Variants in SIGLEC1 observed in about 807,000 individuals in gnomAD.
SIGLEC1 encodes sialic acid binding Ig like lectin 1.
In SIGLEC1, 132 loss-of-function variants were observed where a neutral mutation model predicts 148.0. The observed-to-expected ratio is 0.89, with a 90% CI of 0.77 to 1.03. The LOEUF (loss-of-function observed/expected upper bound fraction) is 1.03, where lower values mean the gene tolerates loss of function less well. Ranked by LOEUF, SIGLEC1 falls within the 50% of genes least tolerant of loss-of-function variation. The pLI, the probability that SIGLEC1 is intolerant of heterozygous loss-of-function variation, is 0.00. For missense variants in SIGLEC1, 2,253 were observed against 2,271.4 expected, an observed-to-expected ratio of 0.99 and a Z score of 0.16; for synonymous variants, 945 against 969.0, an observed-to-expected ratio of 0.98 and a Z score of 0.46.
chr20:3,703,861 A>T lies in SIGLEC1; in HGVS notation c.937T>A (p.Ser313Thr). The T allele has an allele frequency of 6.2e-7, 1 of 1,614,090 alleles. No individual in the cohort carries two copies. The highest frequency in any genetic ancestry group is 8.5e-7 in the Non-Finnish European group (1 of 1,180,028). ...AGGCTGATGGGGGGTGAGACCAAAGAGCCCACGCCGTTCTCAGCTTGGCAG... is the reference window on the plus strand; with the variant it reads ...AGGCTGATGGGGGGTGAGACCAAAGTGCCCACGCCGTTCTCAGCTTGGCAG... ...YTCQAENGVG[S>T]LVSPPISLHI... is the part of the protein sequence containing the mutation. Residue 313 changes from serine (S) to threonine (T), a missense_variant, in exon 5 of 22, where the codon TCT (serine) becomes ACT (threonine). By Grantham distance (58) the Ser-to-Thr change is moderately conservative. Transcript: ENST00000344754.
In SIGLEC1 at chr20:3,697,155, G is replaced by C; in HGVS notation, c.2310C>G (p.Ala770=). 6.2e-7 allele frequency: 1 copy of C among 1,613,766 alleles called. No individual in the cohort carries two copies. The highest frequency in any genetic ancestry group is 8.5e-7 in the Non-Finnish European group (1 of 1,180,032). ...CAGTCAGGATGCGGCAGGCGTAAAG[G>C]GCAGCATCAGTTCTGGCCACGGGCA... is the stretch of plus-strand genomic sequence containing the variant. The part of the protein sequence containing the change: ...TLLPVARTDA[A]LYACRILTEA... The change falls in exon 10 of 22, where the codon GCC becomes GCG. Residue 770 remains alanine (A), a synonymous_variant. Coordinates refer to ENST00000344754, the MANE Select transcript of SIGLEC1 (RefSeq NM_023068.4).
chr20:3,689,835 A>G, intron 19 of SIGLEC1, 127 bp downstream of exon 19: 17 of 1,168,136 alleles, frequency 1.5e-5, no homozygotes, highest in Non-Finnish European at 2.1e-5. Flanking sequence ...GGGTGCCCCG[A>G]GCAATCAGTT....
In SIGLEC1 at chr20:3,710,774, C is replaced by T. The variant is rs1189583548; in HGVS notation, c.-110+1696G>A. On this transcript the variant is annotated intron_variant, in intron 1 of 21. Coordinates refer to ENST00000344754, the MANE Select transcript of SIGLEC1 (RefSeq NM_023068.4). This position sits in a 1 kb window ranked among gnomAD's most constrained non-coding sequence, Gnocchi z 4.6. ...TGGACACAGCGACCCTGGAACAGGG[C>T]GCGGGGGAGGACCCTTTCCAGGACC... is the stretch of plus-strand genomic sequence containing the variant. Among the ~76,000 whole-genome samples the T allele has an allele frequency of 1.3e-5, 2 of 152,218 alleles. No homozygotes were observed. Among genetic ancestry groups the T allele is most frequent in the Non-Finnish European group, 2.9e-5 (2 of 68,038 alleles).
intron 1 of SIGLEC1, among the ~76,000 whole-genome samples, chr20:3,711,510 G>C (rs1416643437): frequency 6.6e-6 from 1 of 152,032 alleles, no homozygotes; most frequent in East Asian, 1.9e-4. Flanking sequence ...TCTGTTTCCT[G>C]ACACCAAGGC....
Position 3,689,197 on chromosome 20 carries a change from G to C in SIGLEC1, c.5028C>G (p.Gly1676=). The C allele has an allele frequency of 6.2e-7, 1 of 1,614,072 alleles. No individual in the cohort carries two copies. Among genetic ancestry groups the C allele is most frequent in the Non-Finnish European group, 8.5e-7 (1 of 1,179,992 alleles). The change falls in exon 21 of 22, where the codon GGC becomes GGG. Residue 1676 remains glycine (G), a synonymous_variant. Coordinates refer to ENST00000344754, the MANE Select transcript of SIGLEC1 (RefSeq NM_023068.4). ...RRRRVCKQSM[G]ENSVEMAFQK... is the part of the protein sequence containing the mutation. ...GAAAAGCCATCTCCACCGAATTCTCGCCCATGCTCTGCTTACAAACACGCC... is the reference window on the plus strand; with the variant it reads ...GAAAAGCCATCTCCACCGAATTCTCCCCCATGCTCTGCTTACAAACACGCC...
At chr20:3,704,242 T>G in intron 4 of SIGLEC1, 151 bp from the exon 5 acceptor site, 1 of 719,562 alleles carries the variant, frequency 1.4e-6, no homozygotes, top group Non-Finnish European at 2.3e-6. Flanking sequence ...GGGCATGCTC[T>G]GTCTGCCCAT....
chr20:3,693,361 G>T, intron 14 of SIGLEC1, 86 bp downstream of exon 14: 1 of 1,441,014 alleles, frequency 6.9e-7, no homozygotes, highest in Admixed American at 2.3e-5. Context: ...TTCCCCACTG[G>T]ACACCTGTCG....
rs202077409 is a variant in SIGLEC1, at chr20:3,704,044, T to A, written c.754A>T (p.Ile252Phe). Residue 252 changes from isoleucine (I) to phenylalanine (F), a missense_variant, in exon 5 of 22, where the codon ATC becomes TTC. Physicochemically the swap from Ile to Phe is conservative, Grantham distance 21. Coordinates refer to ENST00000344754, the MANE Select transcript of SIGLEC1 (RefSeq NM_023068.4). ...AGTGTGACCAGCTCACCTGGAAGGA[T>A]GTTCCTCCCCGAGGGGCTGAGGAGG... Reference protein sequence around the residue: ...KILLSPSGRNILPGELVTLTC... With the variant: ...KILLSPSGRNFLPGELVTLTC... 1 of 1,613,702 alleles carries A rather than the reference T, an allele frequency of 6.2e-7. No homozygotes were observed. Among genetic ancestry groups the A allele is most frequent in the Non-Finnish European group, 8.5e-7 (1 of 1,179,874 alleles).
Position 3,689,931 on chromosome 20 carries a change from T to C in SIGLEC1, c.4894+31A>G, listed in dbSNP as rs373403223. The C allele has an allele frequency of 8.9e-6, 14 of 1,573,426 alleles. No individual in the cohort carries two copies. The African/African-American group carries it at 1.9e-4, about 21-fold the overall frequency. ...CTAAGAGCTGGGCTTTTGTGCAGAGTGGCCTGGGAGATGGAGCCCCCTCCC... is the reference window on the plus strand; with the variant it reads ...CTAAGAGCTGGGCTTTTGTGCAGAGCGGCCTGGGAGATGGAGCCCCCTCCC... On this transcript the variant is annotated intron_variant, in intron 19 of 21. Coordinates refer to ENST00000344754, the MANE Select transcript of SIGLEC1 (RefSeq NM_023068.4).
intron 5 of SIGLEC1, among the ~76,000 whole-genome samples, 182 bp from the exon 6 acceptor site, chr20:3,703,633 CT>C (rs1233968116): frequency 1.3e-5 from 2 of 152,174 alleles, no homozygotes; most frequent in African/African-American, 4.8e-5. Context: ...CAGGATCCCC[CT>C]GACACCCCAC....
intron 1 of SIGLEC1, among the ~76,000 whole-genome samples, chr20:3,711,313 C>T (rs1471345762): frequency 6.6e-6 from 1 of 152,218 alleles, no homozygotes; most frequent in Non-Finnish European, 1.5e-5. Context: ...GTGGCTTGAG[C>T]TGGCCTGGTA....
At chr20:3,712,366 C>T (rs1306217800) in intron 1 of SIGLEC1, among the ~76,000 whole-genome samples, 104 bp downstream of exon 1, 2 of 43,304 alleles carry the variant, frequency 4.6e-5, no homozygotes, top group Non-Finnish European at 1.3e-4. Flanking sequence ...CCAGATGGAG[C>T]CCCCCCCCGA....
In SIGLEC1 at chr20:3,694,833, C is replaced by T; in HGVS notation, c.2774G>A (p.Gly925Glu). 1.2e-6 allele frequency: 2 copies of T among 1,613,514 alleles called. No individual in the cohort carries two copies. Among genetic ancestry groups the T allele is most frequent in the Non-Finnish European group, 1.7e-6 (2 of 1,179,972 alleles). Residue 925 changes from glycine (G) to glutamate (E), a missense_variant, in exon 12 of 22, where the codon GGG (glycine) becomes GAG (glutamate). Coordinates refer to ENST00000344754, the MANE Select transcript of SIGLEC1 (RefSeq NM_023068.4). ...SCQVHTGVPE[G>E]TSYRWYRDGQ... ...ATCCCGATACCAACGATATGAGGTC[C>T]CCTCTGGGACTCCTGTGTGTACCTG...
At chr20:3,696,129 T>TATATACACACACACACAC (rs11087599) in intron 11 of SIGLEC1, among the ~76,000 whole-genome samples, 62 of 142,514 alleles carry the variant, frequency 4.4e-4, no homozygotes, top group African/African-American at 1.6e-3. Context: ...ACTATATATA[T>TATATACACACACACACAC]ACACACACAC....
intron 19 of SIGLEC1, 58 bp from the exon 20 acceptor site, chr20:3,689,760 C>G: frequency 6.9e-7 from 1 of 1,446,830 alleles, no homozygotes; most frequent in Non-Finnish European, 9.4e-7. Context: ...GTGCTTCCTT[C>G]CAAGGGGACC....
At chr20:3,708,218 T>G (rs2087909532) in intron 1 of SIGLEC1, among the ~76,000 whole-genome samples, 1 of 152,122 alleles carries the variant, frequency 6.6e-6, no homozygotes, top group Non-Finnish European at 1.5e-5. Context: ...AAATATGAGC[T>G]CAATGTGTGC....
Position 3,705,920 on chromosome 20 carries a change from C to T in SIGLEC1, c.530G>A (p.Gly177Asp). ...LQEQVRLQWQ[G>D]QDPARSVTFN... ...GGTGACAGAGCGAGCAGGGTCCTGG[C>T]CTTGCCACTGCAGTCTGACCTGCTC... Residue 177 changes from glycine (G) to aspartate (D), a missense_variant, in exon 4 of 22, where the codon GGC (glycine) becomes GAC (aspartate). Coordinates refer to ENST00000344754, the MANE Select transcript of SIGLEC1 (RefSeq NM_023068.4). The T allele has an allele frequency of 6.2e-7, 1 of 1,614,116 alleles. No individual in the cohort carries two copies. The highest frequency in any genetic ancestry group is 8.5e-7 in the Non-Finnish European group (1 of 1,180,034).
intron 6 of SIGLEC1, 125 bp from the exon 7 acceptor site, chr20:3,701,766 A>C: frequency 2.2e-6 from 2 of 923,050 alleles, no homozygotes; most frequent in Non-Finnish European, 1.5e-6. Flanking sequence ...GGTGATCCCA[A>C]AGTGCCTGAG....
At chr20:3,701,780 C>A in intron 6 of SIGLEC1, 139 bp from the exon 7 acceptor site, 1 of 783,968 alleles carries the variant, frequency 1.3e-6, no homozygotes, top group Non-Finnish European at 1.9e-6. Flanking sequence ...GCCTGAGTGC[C>A]TGCTGAATAC....
Sources: gnomAD v4.1 joint callset for allele counts (sites outside exome capture counted in the v4.1 genomes callset) on GRCh38, gnomAD v4.1.1 for gene constraint, Gnocchi (gnomAD v3.1) non-coding constraint, MANE v1.5 for transcripts, NCBI Gene and HGNC (gene_info 2026-07-23, HGNC 2026-07-21) for gene names.